The following SETD6 variants were observed in gnomAD, a reference collection of about 807,000 sequenced individuals.
SETD6 encodes SET domain containing 6, protein lysine methyltransferase, also known as N-lysine methyltransferase SETD6.
A neutral mutation model predicts 52.7 loss-of-function variants in SETD6; 67 were observed. That is an observed-to-expected ratio of 1.27 (90% CI 1.04 to 1.56). The LOEUF (loss-of-function observed/expected upper bound fraction) is 1.56. SETD6 is among the 40% of genes most tolerant of loss of function. The pLI, the probability that SETD6 is intolerant of heterozygous loss-of-function variation, is 0.00. For missense variants in SETD6, 712 were observed against 607.5 expected, an observed-to-expected ratio of 1.17 and a Z score of -1.81; for synonymous variants, 307 against 250.2, an observed-to-expected ratio of 1.23 and a Z score of -2.14.
chr16:58,515,710 C>G, intron 1 of SETD6, 81 bp from the exon 2 acceptor site: 1 of 1,402,848 alleles, frequency 7.1e-7, no homozygotes, highest in East Asian at 2.9e-5. Flanking sequence ...AAAGCCCGTT[C>G]TGCGCTCGCG....
In SETD6 at chr16:58,517,976, T is replaced by C. The variant is rs1389747556; in HGVS notation, c.793-75T>C. The C allele has an allele frequency of 2.5e-6, 4 of 1,589,080 alleles. No individual in the cohort carries two copies. In the East Asian group the frequency reaches 6.7e-5, roughly 27 times the overall value. On this transcript the variant is annotated intron_variant, in intron 5 of 7. Coordinates refer to ENST00000219315, the MANE Select transcript of SETD6 (RefSeq NM_001160305.4). Reference sequence around the variant, plus strand: ...TGGCTGAACTACACCTGCTGAAGGCTCTTCTTAAGTGGAAATAATCTTCAT... The same window carrying C: ...TGGCTGAACTACACCTGCTGAAGGCCCTTCTTAAGTGGAAATAATCTTCAT...
chr16:58,515,818 CT>C lies in SETD6; in HGVS notation c.56del (p.Leu19ArgfsTer8). 1 of 1,535,142 alleles carries C rather than the reference CT, an allele frequency of 6.5e-7. No individual in the cohort carries two copies. The highest frequency in any genetic ancestry group is 2.6e-5 in the East Asian group (1 of 39,074). On this transcript the variant is annotated frameshift_variant, in exon 2 of 8. Coordinates refer to ENST00000219315, the MANE Select transcript of SETD6 (RefSeq NM_001160305.4). LOFTEE classifies it high-confidence loss of function. ...RVAGPVDGGDLDPVACFLSWC... is the reference protein window; with the variant it reads ...RVAGPVDGGDXDPVACFLSWC... The stretch of plus-strand genomic sequence containing the variant: ...GGCGGGGCCCGTGGACGGCGGCGAC[CT>C]GGATCCTGTGGCCTGCTTCCTGAGC...
chr16:58,515,834 G>C lies in SETD6; in HGVS notation c.71G>C (p.Cys24Ser). ...VDGGDLDPVA[C>S]FLSWCRRVGL... Reference sequence around the variant, plus strand: ...GGCGGCGACCTGGATCCTGTGGCCTGCTTCCTGAGCTGGTGCCGGCGGGTG... The same window carrying C: ...GGCGGCGACCTGGATCCTGTGGCCTCCTTCCTGAGCTGGTGCCGGCGGGTG... The change falls in exon 2 of 8, where the codon TGC (cysteine) becomes TCC (serine). Residue 24 changes from cysteine to serine, a missense_variant. By Grantham distance (112) the Cys-to-Ser change is moderately radical. Coordinates refer to ENST00000219315, the MANE Select transcript of SETD6 (RefSeq NM_001160305.4). The C allele has an allele frequency of 6.5e-7, 1 of 1,538,454 alleles. No individual in the cohort carries two copies. The highest frequency in any genetic ancestry group is 1.2e-5 in the South Asian group (1 of 82,594).
In SETD6 at chr16:58,518,713, G is replaced by A. The variant is rs1422733687; in HGVS notation, c.1117-11G>A. ...GTACATCTAATTAAAGAGCTCTGTG[G>A]TTGCTTCTAGGTACTGTGCATGCCT... is the stretch of plus-strand genomic sequence containing the variant. On this transcript the variant is annotated splice_polypyrimidine_tract_variant and intron_variant, in intron 7 of 7. Transcript: ENST00000219315. The A allele has an allele frequency of 6.2e-7, 1 of 1,610,018 alleles. No individual in the cohort carries two copies. The highest frequency in any genetic ancestry group is 1.7e-5 in the Admixed American group (1 of 59,026).
chr16:58,515,635 C>G, intron 1 of SETD6, 71 bp downstream of exon 1: 7 of 1,427,164 alleles, frequency 4.9e-6, no homozygotes, highest in Non-Finnish European at 6.4e-6. Flanking sequence ...GAACCGTCCG[C>G]CTGCGCCCCC....
chr16:58,516,142 GGCGGGGCGGGCCCGGCCC>G, intron 2 of SETD6, 42 bp from the exon 3 acceptor site: 1 of 1,255,630 alleles, frequency 8.0e-7, no homozygotes, highest in Non-Finnish European at 1.0e-6. Flanking sequence ...GGCGGGGCGG[GGCGGGGCGGGCCCGGCCC>G]GCGAGGCCGC....
In SETD6 at chr16:58,520,957, T is replaced by C; in HGVS notation, c.*1928T>C. On this transcript the variant is annotated 3_prime_UTR_variant, in exon 8 of 8. Coordinates refer to ENST00000219315, the MANE Select transcript of SETD6 (RefSeq NM_001160305.4). ...CACGTACAACAGAGATGCAGTTTCG[T>C]CTAACTGGCACCTGTCCCTTCCATT... 6.2e-7 allele frequency: 1 copy of C among 1,613,262 alleles called. No homozygotes were observed. Among genetic ancestry groups the C allele is most frequent in the Non-Finnish European group, 8.5e-7 (1 of 1,180,006 alleles).
chr16:58,519,188 G>T lies in SETD6; in HGVS notation c.*159G>T. 1.5e-6 allele frequency: 1 copy of T among 680,480 alleles called. No homozygotes were observed. The highest frequency in any genetic ancestry group is 2.4e-6 in the Non-Finnish European group (1 of 414,124). 42.2% of individuals were successfully genotyped at this position (680,480 alleles called of 1,614,324 possible). On this transcript the variant is annotated 3_prime_UTR_variant, in exon 8 of 8. Transcript: ENST00000219315. ...GTGTGCTAGGATTAACTCAGGTAAG[G>T]GTGATGTGTTTTAGGATTGAGAACA...
Position 58,518,851 on chromosome 16 carries a change from T to G in SETD6, c.1244T>G (p.Leu415Arg). ...IPKLKASWRQLLQNSVLLTLQ... is the reference protein window; with the variant it reads ...IPKLKASWRQRLQNSVLLTLQ... ...AAGCTCAAAGCATCGTGGAGACAGC[T>G]GCTTCAAAACAGTGTTCTACTGACT... Residue 415 changes from leucine to arginine, a missense_variant, in exon 8 of 8, where the codon CTG (leucine) becomes CGG (arginine). Leu to Arg is a moderately radical substitution (Grantham distance 102, BLOSUM62 -2). Transcript: ENST00000219315. 6.2e-7 allele frequency: 1 copy of G among 1,614,202 alleles called. No homozygotes were observed. Among genetic ancestry groups the G allele is most frequent in the Non-Finnish European group, 8.5e-7 (1 of 1,180,030 alleles).
In SETD6 at chr16:58,518,142, A is replaced by G. The variant is rs748337587; in HGVS notation, c.884A>G (p.His295Arg). 6.2e-6 allele frequency: 10 copies of G among 1,614,236 alleles called. No homozygotes were observed. The highest frequency in any genetic ancestry group is 7.6e-6 in the Non-Finnish European group (9 of 1,180,044). The stretch of plus-strand genomic sequence containing the variant: ...CAAATGGCTAACTGGCAACTGATTC[A>G]TATGTACGGTTTTGTTGAACCATAT... ...YGQMANWQLI[H>R]MYGFVEPYPD... Residue 295 changes from histidine to arginine, a missense_variant, in exon 6 of 8, where the codon CAT (histidine) becomes CGT (arginine). By Grantham distance (29) the His-to-Arg change is conservative (BLOSUM62 0). Transcript: ENST00000219315.
intron 5 of SETD6, 25 bp from the exon 6 acceptor site, chr16:58,518,026 C>T (rs777372700): frequency 3.1e-6 from 5 of 1,613,852 alleles, no homozygotes; most frequent in African/African-American, 2.7e-5. Flanking sequence ...AAAGGCATGG[C>T]CCCAGCTTCT....
rs1319934876 is a variant in SETD6 at position 58,516,196 on chromosome 16, C to T, written c.335-6C>T. The stretch of plus-strand genomic sequence containing the variant: ...GCCGGGGCGCTCACACCTGTGTCTT[C>T]CTCAGAGCGAGTTGCGCTGCAGAGC... On this transcript the variant is annotated splice_polypyrimidine_tract_variant and splice_region_variant and intron_variant, in intron 2 of 7. Coordinates refer to ENST00000219315, the MANE Select transcript of SETD6 (RefSeq NM_001160305.4). The T allele has an allele frequency of 5.7e-6, 9 of 1,580,416 alleles. No homozygotes were observed. The highest frequency in any genetic ancestry group is 5.4e-5 in the African/African-American group (4 of 73,840).
At chr16:58,516,708 TCTTTA>T (rs1266542725) in intron 4 of SETD6, 36 bp downstream of exon 4, 1 of 1,609,348 alleles carries the variant, frequency 6.2e-7, no homozygotes, top group Admixed American at 1.7e-5. Context: ...GGAACCCTTT[TCTTTA>T]CAACTCTATA....
At chr16:58,518,599 T>C (rs1445432463) in intron 7 of SETD6, 56 bp downstream of exon 7, 1 of 1,583,170 alleles carries the variant, frequency 6.3e-7, no homozygotes, top group Non-Finnish European at 8.5e-7. Flanking sequence ...TAAAGCAAAA[T>C]AGCTAGAAGA....
chr16:58,519,753 A>G lies in SETD6; in HGVS notation c.*724A>G, dbSNP rs1762052343. On this transcript the variant is annotated 3_prime_UTR_variant, in exon 8 of 8. Transcript: ENST00000219315. Reference sequence around the variant, plus strand: ...CAGCATTTGTCCAGTGTTGAAATAAATAGGAAGAAAAATACAATTTCCTTA... The same window carrying G: ...CAGCATTTGTCCAGTGTTGAAATAAGTAGGAAGAAAAATACAATTTCCTTA... 6.6e-6 allele frequency: 1 copy of G among 152,254 alleles called. No homozygotes were observed. Among genetic ancestry groups the G allele is most frequent in the African/African-American group, 2.4e-5 (1 of 41,468 alleles). 9.4% of individuals were successfully genotyped at this position (152,254 alleles called of 1,614,324 possible).
At position 58,519,643 on chromosome 16, in the gene SETD6, C is replaced by CT. The variant is rs2039290934; in HGVS notation, c.*617dup. On this transcript the variant is annotated 3_prime_UTR_variant, in exon 8 of 8. Coordinates refer to ENST00000219315, the MANE Select transcript of SETD6 (RefSeq NM_001160305.4). ...TTTTAAATACGTATCTACTCATTTT[C>CT]TTTAAAAAAAAAAAAAAAATACCTG... 8.5e-6 allele frequency: 1 copy of CT among 117,898 alleles called. No homozygotes were observed. The highest frequency in any genetic ancestry group is 1.8e-5 in the Non-Finnish European group (1 of 55,754). 7.3% of individuals were successfully genotyped at this position (117,898 alleles called of 1,614,324 possible).
At position 58,523,583 on chromosome 16, in the gene SETD6, G is replaced by A. The variant is rs2151890668; in HGVS notation, c.*4554G>A. ...ACAGTTCTAACTGGCTAGGGTTTGG[G>A]TTTCTGACAGAGGCTTTCAAATTAA... On this transcript the variant is annotated 3_prime_UTR_variant, in exon 8 of 8. Coordinates refer to ENST00000219315, the MANE Select transcript of SETD6 (RefSeq NM_001160305.4). 2.3e-6 allele frequency: 3 copies of A among 1,319,430 alleles called. No individual in the cohort carries two copies. The highest frequency in any genetic ancestry group is 2.1e-6 in the Non-Finnish European group (2 of 957,600). 81.7% of individuals were successfully genotyped at this position (1,319,430 alleles called of 1,614,324 possible).
Position 58,516,889 on chromosome 16 carries a change from C to T in SETD6, c.753C>T (p.Asn251=). The T allele has an allele frequency of 1.2e-6, 2 of 1,614,176 alleles. No individual in the cohort carries two copies. The highest frequency in any genetic ancestry group is 8.5e-7 in the Non-Finnish European group (1 of 1,180,030). The change falls in exon 5 of 8, where the codon AAC becomes AAT. Residue 251 remains asparagine (N), a synonymous_variant. Transcript: ENST00000219315. ...TGGTGCCTGCTGCAGACATACTAAA[C>T]CACTTAGCCAATCACAACGCCAATC... The part of the protein sequence containing the change: ...PVMVPAADIL[N]HLANHNANLE...
chr16:58,517,821 G>A (rs1162620329), intron 5 of SETD6: 11 of 600,886 alleles, frequency 1.8e-5, no homozygotes, highest in Non-Finnish European at 2.6e-5. Context: ...TGCTGAAGAG[G>A]ACTGTGCAGA....
Sources: gnomAD v4.1 joint callset for allele counts on GRCh38, gnomAD v4.1.1 for gene constraint, MANE v1.5 for transcripts, NCBI Gene and HGNC (gene_info 2026-07-23, HGNC 2026-07-21) for gene names.